Variants in TRPM3 observed in about 807,000 individuals in gnomAD.
TRPM3 encodes long transient receptor potential channel 3.
A neutral mutation model predicts 181.2 loss-of-function variants in TRPM3; 77 were observed. The observed-to-expected ratio is 0.42, with a 90% CI of 0.35 to 0.51. TRPM3 has a LOEUF of 0.51. Ranked by LOEUF, TRPM3 falls within the 20% of genes least tolerant of loss-of-function variation. The pLI is 0.01. For missense variants in TRPM3, 1,759 were observed against 2,196.7 expected, an observed-to-expected ratio of 0.80 and a Z score of 3.98; for synonymous variants, 745 against 796.4, an observed-to-expected ratio of 0.94 and a Z score of 1.09.
Position 70,864,537 on chromosome 9 carries a change from A to G in TRPM3, c.178-26T>C, listed in dbSNP as rs760706660. 4.8e-6 allele frequency: 7 copies of G among 1,457,992 alleles called. 1 individual carries two copies. Among genetic ancestry groups the G allele is most frequent in the Admixed American group, 5.2e-5 (2 of 38,160 alleles). 90.3% of individuals were successfully genotyped at this position (1,457,992 alleles called of 1,614,324 possible). A position where few individuals can be genotyped will look rare whatever the true frequency, so the allele number is the denominator to read the frequency against. ...CTGAAAAAGAAAACAAAAAAAAAAAAAAAAGAAAAAAGAAAGAAAGGTGAA... is the reference window on the plus strand; with the variant it reads ...CTGAAAAAGAAAACAAAAAAAAAAAGAAAAGAAAAAAGAAAGAAAGGTGAA... On this transcript the variant is annotated intron_variant, in intron 1 of 25. Transcript: ENST00000677713.
intron 1 of TRPM3, among the ~76,000 whole-genome samples, chr9:71,412,006 C>T (rs1281244110): frequency 6.6e-6 from 1 of 152,106 alleles, no homozygotes; most frequent in Non-Finnish European, 1.5e-5. Context: ...GAAAGGATTA[C>T]CTATTCAATA....
intron 1 of TRPM3, among the ~76,000 whole-genome samples, chr9:71,130,784 A>T (rs2074321175): frequency 6.6e-6 from 1 of 152,196 alleles, no homozygotes; most frequent in African/African-American, 2.4e-5. Flanking sequence ...CTCAATAAGG[A>T]AGGAGAGAGA....
intron 1 of TRPM3, among the ~76,000 whole-genome samples, chr9:71,222,779 GT>G (rs1182333674): frequency 1.3e-5 from 2 of 152,172 alleles, no homozygotes; most frequent in East Asian, 1.9e-4. Flanking sequence ...GTGATTGTGG[GT>G]TTTGCATTGG....
chr9:71,008,209 TTAAA>T (rs1486188763), intron 1 of TRPM3, among the ~76,000 whole-genome samples: 1 of 151,782 alleles, frequency 6.6e-6, no homozygotes, highest in African/African-American at 2.4e-5. Context: ...CCTACCAAGA[TTAAA>T]TAATGAAAAA....
At position 70,536,957 on chromosome 9, in the gene TRPM3, C is replaced by G. The variant is rs188874737; in HGVS notation, c.4156G>C (p.Ala1386Pro). Residue 1386 changes from alanine to proline, a missense_variant, in exon 26 of 26, where the codon GCA becomes CCA. By Grantham distance (27) the Ala-to-Pro change is conservative. Coordinates refer to ENST00000677713, the MANE Select transcript of TRPM3 (RefSeq NM_001366145.2). The part of the protein sequence containing the change: ...LHRATSSHSV[A>P]KEPKAPAAPA... Reference sequence around the variant, plus strand: ...GCTGCAGGAGCTTTGGGTTCTTTTGCTACAGAGTGGGAACTAGTAGCCCGG... The same window carrying G: ...GCTGCAGGAGCTTTGGGTTCTTTTGGTACAGAGTGGGAACTAGTAGCCCGG... 9.9e-6 allele frequency: 16 copies of G among 1,614,096 alleles called. No homozygotes were observed. In the African/African-American group the frequency reaches 1.9e-4, roughly 19 times the overall value.
In TRPM3 at chr9:70,803,688, G is replaced by C. The variant is rs375021233; in HGVS notation, c.974-19409C>G. ...GATGGTCTCGATCTCCTGACCTCGTGATCAGTCCGTCTCGGCCTCCCAAAG... is the reference window on the plus strand; with the variant it reads ...GATGGTCTCGATCTCCTGACCTCGTCATCAGTCCGTCTCGGCCTCCCAAAG... On this transcript the variant is annotated intron_variant, in intron 6 of 25. Transcript: ENST00000677713. 6.0e-3 allele frequency among the ~76,000 whole-genome samples: 912 copies of C among 151,956 alleles called. 11 individuals carry two copies. The highest frequency in any genetic ancestry group is 0.021 in the African/African-American group (868 of 41,480).
At chr9:70,562,636 G>A (rs1346003927) in intron 22 of TRPM3, among the ~76,000 whole-genome samples, 1 of 141,172 alleles carries the variant, frequency 7.1e-6, no homozygotes, top group African/African-American at 2.6e-5. Flanking sequence ...AGGTATGGGG[G>A]GAAGAGCGTC....
At chr9:71,356,346 AGT>A (rs2091896793) in intron 1 of TRPM3, among the ~76,000 whole-genome samples, 2 of 152,056 alleles carry the variant, frequency 1.3e-5, no homozygotes, top group South Asian at 4.2e-4. Context: ...AATAGGCCCC[AGT>A]GTGTGTTGTT....
rs114115440 is a variant in TRPM3 at position 70,853,898 on chromosome 9, A to G, written c.463-7307T>C. 7.9e-3 allele frequency among the ~76,000 whole-genome samples: 1,204 copies of G among 152,344 alleles called. 20 individuals carry two copies. Among genetic ancestry groups the G allele is most frequent in the African/African-American group, 0.028 (1,149 of 41,590 alleles). ...AACACAGGTACATGTTTTTGTAGAT[A>G]AGAAGATAATTAAAACCGAGGGATA... is the stretch of plus-strand genomic sequence containing the variant. On this transcript the variant is annotated intron_variant, in intron 3 of 25. Coordinates refer to ENST00000677713, the MANE Select transcript of TRPM3 (RefSeq NM_001366145.2).
chr9:71,228,457 A>G (rs1399618824), intron 1 of TRPM3, among the ~76,000 whole-genome samples: 1 of 152,174 alleles, frequency 6.6e-6, no homozygotes, highest in Non-Finnish European at 1.5e-5. Context: ...TCAACATAGT[A>G]CTAGAAATCC....
At chr9:70,953,568 T>C (rs1374538549) in intron 1 of TRPM3, among the ~76,000 whole-genome samples, 2 of 152,156 alleles carry the variant, frequency 1.3e-5, no homozygotes, top group East Asian at 3.9e-4. Context: ...TTTTTGAAGT[T>C]AATTTGTAGG....
chr9:71,132,391 TC>T (rs1297160989), intron 1 of TRPM3, among the ~76,000 whole-genome samples: 1 of 152,156 alleles, frequency 6.6e-6, no homozygotes, highest in Non-Finnish European at 1.5e-5. Flanking sequence ...TGTGAATGAA[TC>T]TCAAAATTAT....
At chr9:70,941,894 A>C (rs1229424321) in intron 1 of TRPM3, among the ~76,000 whole-genome samples, 1 of 152,112 alleles carries the variant, frequency 6.6e-6, no homozygotes, top group African/African-American at 2.4e-5. Flanking sequence ...AGTAGTTCCC[A>C]TCCCCAAATC....
chr9:71,392,543 T>C (rs1195412167), intron 1 of TRPM3, among the ~76,000 whole-genome samples: 1 of 152,080 alleles, frequency 6.6e-6, no homozygotes, highest in African/African-American at 2.4e-5. Flanking sequence ...TTTTCAAATA[T>C]GCTGCCTCAT....
chr9:70,536,560 G>T lies in TRPM3; in HGVS notation c.4553C>A (p.Ala1518Asp), dbSNP rs1048767243. The part of the protein sequence containing the change: ...IERSKSSRYL[A>D]TTPFLLEEAP... Reference sequence around the variant, plus strand: ...CTCTTCTAGAAGAAAGGGTGTGGTGGCTAGGTAGCGGCTACTTTTGGAACG... The same window carrying T: ...CTCTTCTAGAAGAAAGGGTGTGGTGTCTAGGTAGCGGCTACTTTTGGAACG... Residue 1518 changes from alanine (A) to aspartate (D), a missense_variant, in exon 26 of 26, where the codon GCC becomes GAC. Ala to Asp is a moderately radical substitution (Grantham distance 126). This residue lies in a region of TRPM3 where 612 missense variants were observed against 590.0 expected (regional missense o/e 1.04). Transcript: ENST00000677713. 18 of 1,614,130 alleles carry T rather than the reference G, an allele frequency of 1.1e-5. No homozygotes were observed. The highest frequency in any genetic ancestry group is 1.4e-5 in the Non-Finnish European group (17 of 1,180,012).
intron 9 of TRPM3, among the ~76,000 whole-genome samples, chr9:70,656,227 T>C (rs1320420863): frequency 6.6e-6 from 1 of 152,224 alleles, no homozygotes; most frequent in Non-Finnish European, 1.5e-5. Context: ...GTGTCAACAT[T>C]TGGCATAGGG....
rs1404149705 is a variant in TRPM3, at chr9:70,533,325, A to G, written c.*2628T>C. Reference sequence around the variant, plus strand: ...GACTTCAGCATTGTGATTGTGCTTGATACTTAAAATCATCAACATGTTAGG... The same window carrying G: ...GACTTCAGCATTGTGATTGTGCTTGGTACTTAAAATCATCAACATGTTAGG... On this transcript the variant is annotated 3_prime_UTR_variant, in exon 26 of 26. Transcript: ENST00000677713. The G allele has an allele frequency of 6.6e-6, 1 of 152,184 alleles. No homozygotes were observed. Among genetic ancestry groups the G allele is most frequent in the African/African-American group, 2.4e-5 (1 of 41,438 alleles). The allele number at this position is 152,184 out of a possible 1,614,324, so 9.4% of individuals were successfully genotyped here.
chr9:71,287,802 T>C (rs1052287126), intron 1 of TRPM3, among the ~76,000 whole-genome samples: 2 of 152,148 alleles, frequency 1.3e-5, no homozygotes, highest in Non-Finnish European at 2.9e-5. Flanking sequence ...AAATGGTAAT[T>C]AGAGAGGCTA....
At chr9:70,808,245 G>A (rs2091130984) in intron 6 of TRPM3, among the ~76,000 whole-genome samples, 2 of 152,108 alleles carry the variant, frequency 1.3e-5, no homozygotes, top group South Asian at 4.2e-4. Context: ...GTCAAACATT[G>A]GCAACCCAAA....
Sources: gnomAD v4.1 joint callset for allele counts (sites outside exome capture counted in the v4.1 genomes callset) on GRCh38, gnomAD v4.1.1 for gene constraint, gnomAD v4.1.1 regional missense constraint, MANE v1.5 for transcripts, NCBI Gene and HGNC (gene_info 2026-07-23, HGNC 2026-07-21) for gene names.